ARHGAP5: variants seen among roughly 807,000 people sequenced by gnomAD.
ARHGAP5 encodes the protein rho GTPase-activating protein 5.
In ARHGAP5, 23 loss-of-function variants were observed where a neutral mutation model predicts 116.6. That is an observed-to-expected ratio of 0.20 (90% CI 0.14 to 0.28). The LOEUF (loss-of-function observed/expected upper bound fraction) is 0.28, where lower values mean the gene tolerates loss of function less well. ARHGAP5 is among the 10% of genes least tolerant of loss of function. The pLI is 1.00. For missense variants in ARHGAP5, 1,405 were observed against 1,774.8 expected, an observed-to-expected ratio of 0.79 and a Z score of 3.74; for synonymous variants, 574 against 602.0, an observed-to-expected ratio of 0.95 and a Z score of 0.68.
chr14:32,092,754 A>G lies in ARHGAP5; in HGVS notation c.2085A>G (p.Pro695=). ...IRKDKYMANL[P]FTLILANQRD... is the part of the protein sequence containing the mutation. ...AAGATAAATACATGGCTAATCTTCC[A>G]TTTACATTAATTCTGGCTAATCAGA... The change falls in exon 2 of 7, where the codon CCA becomes CCG. Residue 695 remains proline (P), a synonymous_variant. Transcript: ENST00000345122. This position sits in a 1 kb window ranked among gnomAD's most constrained non-coding sequence, Gnocchi z 4.1. 1.2e-6 allele frequency: 2 copies of G among 1,613,822 alleles called. No individual in the cohort carries two copies. Among genetic ancestry groups the G allele is most frequent in the Middle Eastern group, 1.6e-4 (1 of 6,062 alleles).
At chr14:32,144,147 G>A (rs1041786256) in intron 3 of ARHGAP5, among the ~76,000 whole-genome samples, 1 of 152,194 alleles carries the variant, frequency 6.6e-6, no homozygotes, top group Admixed American at 6.5e-5. Flanking sequence ...TCTAATTGGA[G>A]ATAGCAGGGA....
intron 2 of ARHGAP5, among the ~76,000 whole-genome samples, chr14:32,109,764 A>G (rs929191933): frequency 1.3e-5 from 2 of 152,142 alleles, no homozygotes; most frequent in African/African-American, 2.4e-5. Context: ...AAAAATGTGT[A>G]AGTTGCGAGT....
chr14:32,111,362 G>A (rs183354594), intron 2 of ARHGAP5, among the ~76,000 whole-genome samples: 101 of 152,278 alleles, frequency 6.6e-4, no homozygotes, highest in Non-Finnish European at 9.7e-4. Context: ...AAAGGGGAGA[G>A]CAAGTAAGAT....
At chr14:32,124,153 C>G (rs766480535) in intron 3 of ARHGAP5, among the ~76,000 whole-genome samples, 31 of 152,252 alleles carry the variant, frequency 2.0e-4, no homozygotes, top group Admixed American at 4.6e-4. Flanking sequence ...CACTAACTAC[C>G]ACCTCAAAAC....
intron 3 of ARHGAP5, among the ~76,000 whole-genome samples, chr14:32,139,316 TTCA>T (rs1470326476): frequency 1.3e-5 from 2 of 152,144 alleles, no homozygotes; most frequent in Non-Finnish European, 2.9e-5. Flanking sequence ...TTTGGCATAA[TTCA>T]TCAGTGAAAA....
intron 2 of ARHGAP5, among the ~76,000 whole-genome samples, chr14:32,095,764 C>G (rs940571013): frequency 6.6e-6 from 1 of 152,294 alleles, no homozygotes; most frequent in East Asian, 1.9e-4. Flanking sequence ...ATACTCAACT[C>G]ATAACATGCT....
intron 3 of ARHGAP5, among the ~76,000 whole-genome samples, chr14:32,127,988 C>T (rs1382974850): frequency 1.5e-4 from 21 of 141,550 alleles, no homozygotes; most frequent in African/African-American, 2.7e-4. Flanking sequence ...CGGGCAGAGG[C>T]GCTCCTCACC....
intron 3 of ARHGAP5, among the ~76,000 whole-genome samples, chr14:32,135,653 C>A (rs1449246197): frequency 2.0e-5 from 3 of 152,194 alleles, no homozygotes; most frequent in Non-Finnish European, 4.4e-5. Flanking sequence ...AAACTCCTGG[C>A]CTCAGATGAT....
intron 3 of ARHGAP5, among the ~76,000 whole-genome samples, chr14:32,133,492 G>C (rs1235218332): frequency 6.6e-6 from 1 of 152,170 alleles, no homozygotes; most frequent in African/African-American, 2.4e-5. Flanking sequence ...CTGAGACAAT[G>C]GGGTTTTCTA....
At chr14:32,144,949 C>A (rs1881307964) in intron 3 of ARHGAP5, among the ~76,000 whole-genome samples, 1 of 152,170 alleles carries the variant, frequency 6.6e-6, no homozygotes, top group African/African-American at 2.4e-5. Flanking sequence ...TGTTAAATGT[C>A]ATTTATCATT....
intron 1 of ARHGAP5, among the ~76,000 whole-genome samples, chr14:32,085,924 C>T (rs118078467): frequency 0.041 from 6,294 of 152,126 alleles, 169 homozygotes; most frequent in Non-Finnish European, 0.064. Context: ...AGCTTTCATT[C>T]TCATGGTTTC....
intron 2 of ARHGAP5, among the ~76,000 whole-genome samples, chr14:32,101,938 G>C (rs768959658): frequency 6.6e-6 from 1 of 151,984 alleles, no homozygotes; most frequent in Non-Finnish European, 1.5e-5. Flanking sequence ...AGCCAAGATC[G>C]TGCCACTGCA....
At position 32,156,974 on chromosome 14, in the gene ARHGAP5, T is replaced by C. The variant is rs1881919025; in HGVS notation, c.*2026T>C. 6.6e-6 allele frequency: 1 copy of C among 152,366 alleles called. No homozygotes were observed. Among genetic ancestry groups the C allele is most frequent in the African/African-American group, 2.4e-5 (1 of 41,450 alleles). 9.4% of individuals were successfully genotyped at this position (152,366 alleles called of 1,614,324 possible). ...GTGAATACCAGTTTATTTAAGCTGTTCTCTTTTATACTGTATTAATTTAAT... is the reference window on the plus strand; with the variant it reads ...GTGAATACCAGTTTATTTAAGCTGTCCTCTTTTATACTGTATTAATTTAAT... On this transcript the variant is annotated 3_prime_UTR_variant, in exon 7 of 7. Coordinates refer to ENST00000345122, the MANE Select transcript of ARHGAP5 (RefSeq NM_001030055.2).
At chr14:32,083,844 A>T (rs1257415187) in intron 1 of ARHGAP5, among the ~76,000 whole-genome samples, 1 of 152,172 alleles carries the variant, frequency 6.6e-6, no homozygotes, top group African/African-American at 2.4e-5. Context: ...AGAGAAAAGG[A>T]CTCAGACACT....
Position 32,091,928 on chromosome 14 carries a change from A to G in ARHGAP5, c.1259A>G (p.His420Arg), listed in dbSNP as rs567962322. ...AEKVYQNHVQHLISEKRRVEM... is the reference protein window; with the variant it reads ...AEKVYQNHVQRLISEKRRVEM... ...AAAGTCTATCAGAACCATGTACAGC[A>G]TCTGATATCCGAGAAGAGGAGGGTG... Residue 420 changes from histidine to arginine, a missense_variant, in exon 2 of 7, where the codon CAT becomes CGT. Physicochemically the swap from His to Arg is conservative, Grantham distance 29 (BLOSUM62 0). Coordinates refer to ENST00000345122, the MANE Select transcript of ARHGAP5 (RefSeq NM_001030055.2). The G allele has an allele frequency of 4.3e-6, 7 of 1,613,756 alleles. No homozygotes were observed. The Admixed American group carries it at 8.3e-5, about 19-fold the overall frequency.
intron 3 of ARHGAP5, among the ~76,000 whole-genome samples, chr14:32,126,385 A>G (rs141013069): frequency 2.0e-5 from 3 of 152,190 alleles, no homozygotes; most frequent in East Asian, 3.9e-4. Context: ...CTGGTGTTCC[A>G]TGGTTGGCAG....
intron 3 of ARHGAP5, among the ~76,000 whole-genome samples, chr14:32,143,743 G>A (rs1340634464): frequency 6.6e-6 from 1 of 152,082 alleles, no homozygotes; most frequent in Non-Finnish European, 1.5e-5. Context: ...GTGAGTAAAG[G>A]GCAAGATTTT....
chr14:32,093,020 C>T lies in ARHGAP5; in HGVS notation c.2351C>T (p.Ala784Val). 9 of 1,614,036 alleles carry T rather than the reference C, an allele frequency of 5.6e-6. No individual in the cohort carries two copies. The highest frequency in any genetic ancestry group is 7.6e-6 in the Non-Finnish European group (9 of 1,179,956). The change falls in exon 2 of 7, where the codon GCC becomes GTC. Residue 784 changes from alanine (A) to valine (V), a missense_variant. Physicochemically the swap from Ala to Val is moderately conservative, Grantham distance 64. Transcript: ENST00000345122. ...SEADLRIVMC[A>V]MCGDPFSVDL... is the part of the protein sequence containing the mutation. Reference sequence around the variant, plus strand: ...GCTGACTTGAGAATTGTCATGTGCGCCATGTGTGGAGATCCATTTAGTGTG... The same window carrying T: ...GCTGACTTGAGAATTGTCATGTGCGTCATGTGTGGAGATCCATTTAGTGTG...
intron 4 of ARHGAP5, among the ~76,000 whole-genome samples, chr14:32,149,503 C>G (rs1397587022): frequency 2.6e-5 from 4 of 152,102 alleles, no homozygotes; most frequent in Non-Finnish European, 5.9e-5. Context: ...GGCGCCGTGG[C>G]TCATGCCTGT....
Sources: allele counts gnomAD v4.1 joint callset (sites outside exome capture counted in the v4.1 genomes callset), GRCh38; gene constraint gnomAD v4.1.1; non-coding constraint Gnocchi (gnomAD v3.1); transcripts MANE v1.5; gene names NCBI Gene and HGNC (gene_info 2026-07-23, HGNC 2026-07-21).